The following AFAP1 variants were observed in gnomAD, a reference collection of about 807,000 sequenced individuals.
AFAP1 encodes the protein actin filament associated protein 1, also known as actin filament-associated protein 1.
A neutral mutation model predicts 93.9 loss-of-function variants in AFAP1; 75 were observed. The observed-to-expected ratio is 0.80, with a 90% confidence interval of 0.66 to 0.97. The LOEUF (loss-of-function observed/expected upper bound fraction) is 0.97, where lower values mean the gene tolerates loss of function less well. Ranked by LOEUF, AFAP1 falls within the 50% of genes least tolerant of loss-of-function variation. The probability of loss-of-function intolerance (pLI) is 0.00; values close to 1 mark genes in which losing one functional copy is unlikely to be tolerated. For synonymous variants in AFAP1, 517 were observed against 430.7 expected (o/e 1.20, Z -2.48); for missense variants, 1,201 against 1,050.8 (o/e 1.14, Z -1.98).
rs530086319 is a variant in AFAP1, at chr4:7,761,718, T to C, written c.*2047A>G. ...CTATTTGACCCGAAGGCAGCAAAAATCTATGGAGGAGCAAACTTTTTTCCC... is the reference window on the plus strand; with the variant it reads ...CTATTTGACCCGAAGGCAGCAAAAACCTATGGAGGAGCAAACTTTTTTCCC... On this transcript the variant is annotated 3_prime_UTR_variant, in exon 18 of 18. Coordinates refer to ENST00000420658, the MANE Select transcript of AFAP1 (RefSeq NM_001134647.2). 1 of 152,268 alleles carries C rather than the reference T, an allele frequency of 6.6e-6. No homozygotes were observed. Among genetic ancestry groups the C allele is most frequent in the East Asian group, 1.9e-4 (1 of 5,178 alleles). 9.4% of individuals were successfully genotyped at this position (152,268 alleles called of 1,614,324 possible).
chr4:7,863,833 C>T (rs1716038790), intron 3 of AFAP1, among the ~76,000 whole-genome samples: 1 of 152,164 alleles, frequency 6.6e-6, no homozygotes, highest in Admixed American at 6.5e-5. Context: ...CAATTCATGC[C>T]ACAAAAGAGG....
In AFAP1 at chr4:7,795,405, C is replaced by CTTTTTT. The variant is rs35550085; in HGVS notation, c.1267-1585_1267-1580dup. On this transcript the variant is annotated intron_variant, in intron 10 of 17. Transcript: ENST00000420658. ...TCTTATGTCCTTCCTAAAACAAAAT[C>CTTTTTT]TTTTTTTTTTTTTTTTTTTTTTTTT... Among the ~76,000 whole-genome samples the CTTTTTT allele has an allele frequency of 9.7e-5, 6 of 62,100 alleles. 1 individual carries two copies. Among genetic ancestry groups the CTTTTTT allele is most frequent in the African/African-American group, 3.1e-4 (4 of 12,922 alleles). 40.7% of individuals were successfully genotyped at this position (62,100 alleles called of 152,430 possible).
At chr4:7,925,595 C>A (rs1441730417) in intron 1 of AFAP1, among the ~76,000 whole-genome samples, 2 of 152,074 alleles carry the variant, frequency 1.3e-5, no homozygotes, top group Non-Finnish European at 2.9e-5. Flanking sequence ...GCCTGTAATC[C>A]CAGCACTTTG....
intron 1 of AFAP1, among the ~76,000 whole-genome samples, chr4:7,905,679 T>G (rs1235976584): frequency 8.5e-5 from 13 of 152,338 alleles, no homozygotes; most frequent in Non-Finnish European, 2.9e-5. Context: ...GCATGTCTGC[T>G]GCAGCCAGGA....
In AFAP1 at chr4:7,769,081, T is replaced by G. The variant is rs1442797794; in HGVS notation, c.2254-73A>C. ...TGGTATTCTCCAGCAGGAAAATGAT[T>G]TATTTCAAGGAAGAAATAAGTTTTG... is the stretch of plus-strand genomic sequence containing the variant. On this transcript the variant is annotated intron_variant, in intron 16 of 17. Coordinates refer to ENST00000420658, the MANE Select transcript of AFAP1 (RefSeq NM_001134647.2). The G allele has an allele frequency of 2.0e-5, 29 of 1,477,704 alleles. No individual in the cohort carries two copies. The East Asian group carries it at 4.9e-4, about 25-fold the overall frequency. The allele number at this position is 1,477,704 out of a possible 1,614,324, so 91.5% of individuals were successfully genotyped here.
At chr4:7,907,002 CAA>C (rs11288651) in intron 1 of AFAP1, among the ~76,000 whole-genome samples, 1,539 of 127,808 alleles carry the variant, frequency 0.012, 16 homozygotes, top group African/African-American at 0.031. Context: ...AACTCCACCT[CAA>C]AAAAAAAAAA....
rs779160107 is a variant in AFAP1 at position 7,809,723 on chromosome 4, A to C, written c.945T>G (p.Thr315=). The C allele has an allele frequency of 3.1e-6, 5 of 1,614,018 alleles. No individual in the cohort carries two copies. Among genetic ancestry groups the C allele is most frequent in the Non-Finnish European group, 4.2e-6 (5 of 1,179,952 alleles). ...TTTTTTTCCCAGTGACTTTCGACAC[A>C]GTGCCCTTGGCCTCTGATTTGGAAC... The part of the protein sequence containing the change: ...KKSSKSEAKG[T]VSKVTGKKIT... Residue 315 remains threonine (T), a synonymous_variant, in exon 9 of 18, where the codon ACT becomes ACG. Coordinates refer to ENST00000420658, the MANE Select transcript of AFAP1 (RefSeq NM_001134647.2).
At chr4:7,866,361 A>C (rs1716399562) in intron 3 of AFAP1, among the ~76,000 whole-genome samples, 1 of 151,890 alleles carries the variant, frequency 6.6e-6, no homozygotes, top group South Asian at 2.1e-4. Context: ...ACACCCGGCT[A>C]ATTTTTGTAT....
intron 1 of AFAP1, among the ~76,000 whole-genome samples, chr4:7,916,015 TCA>T (rs1720067146): frequency 9.9e-6 from 1 of 101,266 alleles, no homozygotes; most frequent in Non-Finnish European, 1.7e-5. Flanking sequence ...CCCGGCCTCC[TCA>T]CTTACGCAAT....
intron 1 of AFAP1, among the ~76,000 whole-genome samples, chr4:7,923,982 G>T (rs1720578040): frequency 6.6e-6 from 1 of 152,136 alleles, no homozygotes; most frequent in Admixed American, 6.6e-5. Context: ...CAGGAGAAAA[G>T]GTACCTTATA....
At chr4:7,807,710 C>T (rs1363568751) in intron 9 of AFAP1, among the ~76,000 whole-genome samples, 1 of 152,246 alleles carries the variant, frequency 6.6e-6, no homozygotes, top group African/African-American at 2.4e-5. Flanking sequence ...TCACTGCTGT[C>T]TGCCCAGACA....
At chr4:7,764,575 C>G (rs867224328) in intron 17 of AFAP1, among the ~76,000 whole-genome samples, 2 of 152,122 alleles carry the variant, frequency 1.3e-5, no homozygotes, top group African/African-American at 2.4e-5. Context: ...TTATTTTACT[C>G]TAATAGAAAA....
intron 1 of AFAP1, among the ~76,000 whole-genome samples, chr4:7,929,240 C>T (rs1318900863): frequency 6.6e-6 from 1 of 152,222 alleles, no homozygotes; most frequent in Non-Finnish European, 1.5e-5. Flanking sequence ...GCAGTGATCA[C>T]TGCCCTGTGC....
chr4:7,902,313 C>A (rs1019575929), intron 1 of AFAP1, among the ~76,000 whole-genome samples: 4 of 152,170 alleles, frequency 2.6e-5, no homozygotes, highest in Admixed American at 2.6e-4. Flanking sequence ...GCTTCTCCTG[C>A]CATGCAAATT....
chr4:7,843,023 G>A, intron 5 of AFAP1, 116 bp downstream of exon 5: 1 of 1,192,106 alleles, frequency 8.4e-7, no homozygotes. Context: ...GCACCTGGCT[G>A]ACACCTGAGT....
At chr4:7,860,114 C>A (rs933056640) in intron 3 of AFAP1, among the ~76,000 whole-genome samples, 1 of 152,042 alleles carries the variant, frequency 6.6e-6, no homozygotes, top group African/African-American at 2.4e-5. Flanking sequence ...TGCACTCCAG[C>A]CTGGGTGACA....
In AFAP1 at chr4:7,899,335, C is replaced by G. The variant is rs967341370; in HGVS notation, c.-2-27255G>C. On this transcript the variant is annotated intron_variant, in intron 1 of 17. Transcript: ENST00000420658. ...CCTGGAGCCTAGCAAGTTCCTACTA[C>G]AGCTGTCACACATATGCCATTCAAG... Among the ~76,000 whole-genome samples, 11 of 152,328 alleles carry G rather than the reference C, an allele frequency of 7.2e-5. No individual in the cohort carries two copies. The East Asian group carries it at 2.1e-3, about 29-fold the overall frequency.
intron 3 of AFAP1, among the ~76,000 whole-genome samples, chr4:7,856,464 A>T (rs977902997): frequency 4.6e-5 from 7 of 151,804 alleles, no homozygotes; most frequent in Admixed American, 2.0e-4. Flanking sequence ...ATGGTCTCGA[A>T]CTCCTGACCT....
intron 6 of AFAP1, among the ~76,000 whole-genome samples, chr4:7,830,800 C>T (rs1711524830): frequency 6.6e-6 from 1 of 152,024 alleles, no homozygotes; most frequent in African/African-American, 2.4e-5. Context: ...ATAGAGATAG[C>T]CTCTTGCTAT....
Sources: allele counts gnomAD v4.1 joint callset (sites outside exome capture counted in the v4.1 genomes callset), GRCh38; gene constraint gnomAD v4.1.1; transcripts MANE v1.5; gene names NCBI Gene and HGNC (gene_info 2026-07-23, HGNC 2026-07-21).